The following TLE4 variants were observed in gnomAD, a reference collection of about 807,000 sequenced individuals.
TLE4 encodes transducin-like enhancer protein 4.
TLE4 carries 8 observed loss-of-function variants against 92.8 expected under a neutral mutation model. The observed-to-expected ratio is 0.09, with a 90% CI of 0.05 to 0.16. The LOEUF is 0.16. Ranked by LOEUF, TLE4 falls within the 10% of genes least tolerant of loss-of-function variation. TLE4 has a pLI of 1.00. For synonymous variants in TLE4, 371 were observed against 374.1 expected (o/e 0.99, Z 0.10); for missense variants, 675 against 997.6 (o/e 0.68, Z 4.36).
chr9:79,667,994 C>T (rs1056645548), intron 8 of TLE4, among the ~76,000 whole-genome samples: 1 of 152,216 alleles, frequency 6.6e-6, no homozygotes, highest in South Asian at 2.1e-4. Context: ...CGTGAAAAGT[C>T]GTTGAATAAT....
At chr9:79,648,265 T>G (rs569102014) in intron 6 of TLE4, among the ~76,000 whole-genome samples, 3,510 of 152,320 alleles carry the variant, frequency 0.023, 70 homozygotes, top group Admixed American at 0.069. Flanking sequence ...TTTAGGGAAC[T>G]GAGCTAGGTG....
intron 6 of TLE4, among the ~76,000 whole-genome samples, chr9:79,630,629 G>A (rs768322244): frequency 2.0e-5 from 3 of 151,790 alleles, no homozygotes; most frequent in East Asian, 1.9e-4. Flanking sequence ...GAATCTCTGC[G>A]AGATCACACT....
intron 8 of TLE4, among the ~76,000 whole-genome samples, chr9:79,663,214 T>TA (rs2060829176): frequency 2.6e-5 from 4 of 152,316 alleles, no homozygotes; most frequent in Admixed American, 2.6e-4. Flanking sequence ...TTTTTATGAA[T>TA]TAAGCAGAAA....
chr9:79,573,530 GT>G, intron 1 of TLE4, 158 bp from the exon 2 acceptor site: 5 of 825,618 alleles, frequency 6.1e-6, no homozygotes, highest in Non-Finnish European at 8.5e-6. Flanking sequence ...TGCCTGGGCT[GT>G]TGGGCGCGAG....
chr9:79,646,563 T>C (rs756172131), intron 6 of TLE4, among the ~76,000 whole-genome samples: 1 of 152,216 alleles, frequency 6.6e-6, no homozygotes, highest in African/African-American at 2.4e-5. Context: ...TTACTACTTT[T>C]ATTTAAAGAA....
rs369501632 is a variant in TLE4, at chr9:79,718,893, G to A, written c.1512G>A (p.Thr504=). The change falls in exon 15 of 20, where the codon ACG becomes ACA. Residue 504 remains threonine, a synonymous_variant. Coordinates refer to ENST00000376552, the MANE Select transcript of TLE4 (RefSeq NM_007005.6). The stretch of plus-strand genomic sequence containing the variant: ...GCAACCCCACGAGACACGTGTACAC[G>A]GGTGGGAAGGGCTGCGTCAAGGTCT... ...TISNPTRHVY[T]GGKGCVKVWD... is the part of the protein sequence containing the mutation. 4.3e-5 allele frequency: 70 copies of A among 1,614,176 alleles called. No individual in the cohort carries two copies. The highest frequency in any genetic ancestry group is 1.2e-4 in the African/African-American group (9 of 75,046).
intron 11 of TLE4, among the ~76,000 whole-genome samples, chr9:79,707,511 A>G (rs1317333525): frequency 6.6e-6 from 1 of 152,232 alleles, no homozygotes; most frequent in Non-Finnish European, 1.5e-5. Flanking sequence ...AAAAAAGAAT[A>G]AAAAGACAAA....
At position 79,659,886 on chromosome 9, in the gene TLE4, A is replaced by G. The variant is rs185257683; in HGVS notation, c.609+5811A>G. The stretch of plus-strand genomic sequence containing the variant: ...AGTGGATTTGTATTTCAAATACATC[A>G]TAGCCTGTGTTTCAAGGTTAAAGAA... On this transcript the variant is annotated intron_variant, in intron 8 of 19. Coordinates refer to ENST00000376552, the MANE Select transcript of TLE4 (RefSeq NM_007005.6). Among the ~76,000 whole-genome samples, 327 of 152,336 alleles carry G rather than the reference A, an allele frequency of 2.1e-3. 1 individual carries two copies. The highest frequency in any genetic ancestry group is 7.6e-3 in the African/African-American group (317 of 41,572).
chr9:79,682,230 G>A (rs1258196683), intron 8 of TLE4, among the ~76,000 whole-genome samples: 1 of 151,902 alleles, frequency 6.6e-6, no homozygotes, highest in Non-Finnish European at 1.5e-5. Flanking sequence ...AAAACTGAAA[G>A]GTTTTTTTTG....
chr9:79,663,472 C>CAG (rs1192686385), intron 8 of TLE4: 1 of 152,246 alleles, frequency 6.6e-6, no homozygotes, highest in Non-Finnish European at 1.5e-5. Context: ...CCCACTGCTG[C>CAG]AGAGAGTTCT....
intron 2 of TLE4, chr9:79,574,058 T>G (rs1360214955): frequency 2.8e-5 from 7 of 251,506 alleles, no homozygotes; most frequent in Non-Finnish European, 5.3e-5. Context: ...CGATATTGAT[T>G]TATTGGGGCC....
chr9:79,604,368 G>T (rs2132735056), intron 4 of TLE4, among the ~76,000 whole-genome samples: 1 of 152,328 alleles, frequency 6.6e-6, no homozygotes, highest in Non-Finnish European at 1.5e-5. Context: ...TGTGGTGGAA[G>T]TGTAATGGCA....
chr9:79,585,499 G>T (rs766830228), intron 4 of TLE4, among the ~76,000 whole-genome samples: 1 of 152,158 alleles, frequency 6.6e-6, no homozygotes, highest in Non-Finnish European at 1.5e-5. Flanking sequence ...GGCCTTGCTA[G>T]TCACCAGCTT....
At chr9:79,709,033 A>G (rs931636488) in intron 13 of TLE4, among the ~76,000 whole-genome samples, 1 of 152,104 alleles carries the variant, frequency 6.6e-6, no homozygotes, top group Non-Finnish European at 1.5e-5. Flanking sequence ...GGGTTTCACC[A>G]TGTTGCCCAG....
intron 8 of TLE4, among the ~76,000 whole-genome samples, chr9:79,687,486 C>G (rs983377415): frequency 6.6e-6 from 1 of 152,104 alleles, no homozygotes; most frequent in African/African-American, 2.4e-5. Context: ...TTGTAACATT[C>G]TTTTTTCCTC....
At chr9:79,710,606 G>A (rs2073024378) in intron 14 of TLE4, among the ~76,000 whole-genome samples, 1 of 152,146 alleles carries the variant, frequency 6.6e-6, no homozygotes, top group South Asian at 2.1e-4. Flanking sequence ...CTGGTAGCTT[G>A]CCTGCCTTGA....
intron 8 of TLE4, among the ~76,000 whole-genome samples, chr9:79,686,531 A>G (rs1050018536): frequency 6.6e-6 from 1 of 152,178 alleles, no homozygotes; most frequent in Non-Finnish European, 1.5e-5. Flanking sequence ...CCAGTGACTC[A>G]TGTCCTTATA....
intron 14 of TLE4, among the ~76,000 whole-genome samples, chr9:79,712,156 AC>A (rs2073458351): frequency 6.6e-6 from 1 of 152,060 alleles, no homozygotes; most frequent in Non-Finnish European, 1.5e-5. Flanking sequence ...TGTTTAGTCA[AC>A]CCCAGCATTA....
chr9:79,696,855 G>C (rs1407343114), intron 8 of TLE4, among the ~76,000 whole-genome samples: 1 of 152,184 alleles, frequency 6.6e-6, no homozygotes, highest in Non-Finnish European at 1.5e-5. Flanking sequence ...ACAGAGCACA[G>C]TGCAGGGATA....
Sources: gnomAD v4.1 joint callset for allele counts (sites outside exome capture counted in the v4.1 genomes callset) on GRCh38, gnomAD v4.1.1 for gene constraint, MANE v1.5 for transcripts, NCBI Gene and HGNC (gene_info 2026-07-23, HGNC 2026-07-21) for gene names.